Variants in NUP210L observed in about 807,000 individuals in gnomAD.
NUP210L encodes nuclear pore membrane glycoprotein 210-like.
Under a neutral mutation model 208.5 loss-of-function variants are expected in NUP210L, and 74 were observed. The observed-to-expected ratio is 0.35, with a 90% confidence interval of 0.29 to 0.43. The LOEUF is 0.43. Among genes scored for constraint, NUP210L ranks in the 20% least tolerant of loss-of-function variants. The probability of loss-of-function intolerance (pLI) is 1.00; values close to 1 mark genes in which losing one functional copy is unlikely to be tolerated. For synonymous variants in NUP210L, 780 were observed against 816.9 expected (o/e 0.95, Z 0.77); for missense variants, 1,843 against 2,289.4 (o/e 0.81, Z 3.98).
At chr1:154,021,841 A>G (rs12097549) in intron 32 of NUP210L, among the ~76,000 whole-genome samples, 2,612 of 152,302 alleles carry the variant, frequency 0.017, 69 homozygotes, top group African/African-American at 0.058. Flanking sequence ...TAAGCTAAAA[A>G]TTATCAGTAA....
At chr1:154,018,807 T>A (rs1372682223) in intron 33 of NUP210L, 126 bp downstream of exon 33, 1 of 1,079,282 alleles carries the variant, frequency 9.3e-7, no homozygotes, top group Non-Finnish European at 1.3e-6. Flanking sequence ...CAGTAAAGTT[T>A]GCTGGCTGGC....
chr1:154,113,849 C>G (rs1324264191), intron 12 of NUP210L, among the ~76,000 whole-genome samples: 2 of 95,726 alleles, frequency 2.1e-5, no homozygotes, highest in Non-Finnish European at 3.8e-5. Context: ...CAGAGCAAGA[C>G]TCCATCTCAA....
chr1:154,137,757 T>C (rs1192291464), intron 6 of NUP210L, among the ~76,000 whole-genome samples: 2 of 152,114 alleles, frequency 1.3e-5, no homozygotes, highest in Admixed American at 6.6e-5. Context: ...ATGGGGATCT[T>C]GCTCTGTTGC....
At chr1:154,042,247 A>G (rs1363474167) in intron 27 of NUP210L, among the ~76,000 whole-genome samples, 2 of 151,814 alleles carry the variant, frequency 1.3e-5, no homozygotes, top group Non-Finnish European at 2.9e-5. Flanking sequence ...CTACAGGTGC[A>G]TGCCACTATG....
At chr1:154,027,888 C>T (rs952285455) in intron 28 of NUP210L, among the ~76,000 whole-genome samples, 2 of 152,120 alleles carry the variant, frequency 1.3e-5, no homozygotes, top group African/African-American at 4.8e-5. Context: ...CCACATCTTC[C>T]ATATTGCTTA....
At chr1:154,035,381 TTTTTA>T (rs950070948) in intron 27 of NUP210L, among the ~76,000 whole-genome samples, 8 of 151,968 alleles carry the variant, frequency 5.3e-5, no homozygotes, top group African/African-American at 1.9e-4. Context: ...TTCATTAGGC[TTTTTA>T]TTTTAATTTT....
intron 6 of NUP210L, among the ~76,000 whole-genome samples, chr1:154,137,581 G>A (rs537949955): frequency 6.6e-6 from 1 of 151,962 alleles, no homozygotes; most frequent in South Asian, 2.1e-4. Flanking sequence ...TTGATATGGT[G>A]GCAGGAACCT....
chr1:154,039,605 C>T (rs576636208), intron 27 of NUP210L, among the ~76,000 whole-genome samples: 7 of 152,124 alleles, frequency 4.6e-5, no homozygotes, highest in African/African-American at 1.4e-4. Context: ...AAAGTTTTTT[C>T]CTTCAGCACT....
At chr1:154,153,863 T>C (rs1659542420) in intron 1 of NUP210L, among the ~76,000 whole-genome samples, 1 of 152,152 alleles carries the variant, frequency 6.6e-6, no homozygotes, top group South Asian at 2.1e-4. Flanking sequence ...AAGCTCACTT[T>C]CCTTATACTT....
intron 12 of NUP210L, among the ~76,000 whole-genome samples, chr1:154,105,909 T>A (rs1426831457): frequency 6.6e-6 from 1 of 152,048 alleles, no homozygotes; most frequent in Non-Finnish European, 1.5e-5. Flanking sequence ...TTGCCACGGG[T>A]CTGGGGCAGT....
intron 16 of NUP210L, among the ~76,000 whole-genome samples, chr1:154,085,564 A>T (rs1489148903): frequency 6.6e-6 from 1 of 152,112 alleles, no homozygotes; most frequent in Non-Finnish European, 1.5e-5. Flanking sequence ...TACTCCTCAA[A>T]CTGATCTACA....
chr1:154,071,170 C>T (rs372447332), intron 16 of NUP210L, among the ~76,000 whole-genome samples: 76 of 151,560 alleles, frequency 5.0e-4, no homozygotes, highest in African/African-American at 1.8e-3. Flanking sequence ...GACCATGGCT[C>T]ATTACAGCCT....
exon 30 of NUP210L, chr1:154,025,636 A>G (rs761543702): frequency 1.9e-6 from 3 of 1,613,928 alleles, no homozygotes; most frequent in Non-Finnish European, 2.5e-6. Flanking sequence ...AGCTTTCAGG[A>G]GCCCTTCACC....
At chr1:154,029,613 G>A (rs983972118) in intron 28 of NUP210L, among the ~76,000 whole-genome samples, 6 of 151,876 alleles carry the variant, frequency 4.0e-5, no homozygotes, top group Non-Finnish European at 5.9e-5. Flanking sequence ...TTACTTGAAC[G>A]CAGGAGATGG....
chr1:154,071,975 CGT>C (rs57566189), intron 16 of NUP210L, among the ~76,000 whole-genome samples: 38,263 of 147,820 alleles, frequency 0.26, 5,144 homozygotes, highest in Admixed American at 0.36. Flanking sequence ...TATTCCATCG[CGT>C]GTGTGTGTGT....
At chr1:154,070,570 T>C in intron 16 of NUP210L, 105 bp from the exon 17 acceptor site, 1 of 796,674 alleles carries the variant, frequency 1.3e-6, no homozygotes, top group South Asian at 2.8e-5. Flanking sequence ...TCAATATTTT[T>C]ACCTTAAAAA....
intron 10 of NUP210L, among the ~76,000 whole-genome samples, chr1:154,119,852 A>G (rs1032204322): frequency 1.3e-5 from 2 of 152,184 alleles, no homozygotes; most frequent in Non-Finnish European, 2.9e-5. Flanking sequence ...TGCAATAAAC[A>G]TACGTGTGCA....
intron 16 of NUP210L, among the ~76,000 whole-genome samples, chr1:154,076,962 A>T (rs1655068916): frequency 6.6e-6 from 1 of 152,192 alleles, no homozygotes; most frequent in African/African-American, 2.4e-5. Context: ...CAAAGACAGA[A>T]TCATAAAAAC....
intron 10 of NUP210L, among the ~76,000 whole-genome samples, chr1:154,121,637 C>T (rs1387672559): frequency 1.3e-5 from 2 of 152,054 alleles, no homozygotes; most frequent in Admixed American, 6.6e-5. Context: ...GAGGCCAAGG[C>T]GGGTGGATCA....
Sources: allele counts gnomAD v4.1 joint callset (sites outside exome capture counted in the v4.1 genomes callset), GRCh38; gene constraint gnomAD v4.1.1; transcripts MANE v1.5; gene names NCBI Gene and HGNC (gene_info 2026-07-23, HGNC 2026-07-21).